The following UQCRH variants were observed in gnomAD, a reference collection of about 807,000 sequenced individuals.
UQCRH encodes the protein cytochrome b-c1 complex subunit 6, mitochondrial.
In UQCRH, 14 loss-of-function variants were observed where a neutral mutation model predicts 16.3. The ratio of observed to expected loss-of-function variants is 0.86; its 90% CI spans 0.57 to 1.34. The LOEUF (loss-of-function observed/expected upper bound fraction) is 1.34, where lower values mean the gene tolerates loss of function less well. UQCRH is among the 40% of genes most tolerant of loss of function. The pLI is 0.00. For synonymous variants in UQCRH, 41 were observed against 41.9 expected, an observed-to-expected ratio of 0.98 and a Z score of 0.08; for missense variants, 89 against 111.9, an observed-to-expected ratio of 0.80 and a Z score of 0.92.
intron 3 of UQCRH, 26 bp downstream of exon 3, chr1:46,310,342 G>A (rs1224719043): frequency 6.2e-7 from 1 of 1,613,740 alleles, no homozygotes; most frequent in African/African-American, 1.3e-5. Context: ...GTCAGGAAGG[G>A]GAAAGGTTGC....
chr1:46,308,346 G>C (rs1661411140), intron 1 of UQCRH, among the ~76,000 whole-genome samples: 1 of 152,174 alleles, frequency 6.6e-6, no homozygotes, highest in South Asian at 2.1e-4. Context: ...TGAGGGGAAG[G>C]AAGCATGGCT....
In UQCRH at chr1:46,310,298, G is replaced by A. The variant is rs531150957; in HGVS notation, c.225G>A (p.Leu75=). The stretch of plus-strand genomic sequence containing the variant: ...GCACGGAGGAGCTCTTTGACTTCTT[G>A]CATGCGAGGGACCATTGCGTAAGTC... ...EDCTEELFDF[L]HARDHCVAHK... is the part of the protein sequence containing the mutation. Residue 75 remains leucine (L), a synonymous_variant, in exon 3 of 4, where the codon TTG becomes TTA. Transcript: ENST00000311672. 19 of 1,613,986 alleles carry A rather than the reference G, an allele frequency of 1.2e-5. No homozygotes were observed. In the African/African-American group the frequency reaches 1.9e-4, roughly 16 times the overall value.
chr1:46,309,383 C>T lies in UQCRH; in HGVS notation c.81+256C>T. The T allele has an allele frequency of 1.5e-5, 7 of 457,618 alleles. No individual in the cohort carries two copies. In the South Asian group the frequency reaches 2.4e-4, roughly 15 times the overall value. The allele number at this position is 457,618 out of a possible 1,614,324, so 28.3% of individuals were successfully genotyped here. Reference sequence around the variant, plus strand: ...TGAGGGCCTGGCACTCAATCATCTGCTATTTGTGGTTTAATAAAGAACTTT... The same window carrying T: ...TGAGGGCCTGGCACTCAATCATCTGTTATTTGTGGTTTAATAAAGAACTTT... On this transcript the variant is annotated intron_variant, in intron 2 of 3. Coordinates refer to ENST00000311672, the MANE Select transcript of UQCRH (RefSeq NM_006004.4).
At chr1:46,310,028 A>G (rs1661438518) in intron 2 of UQCRH, 127 bp from the exon 3 acceptor site, 1 of 1,528,594 alleles carries the variant, frequency 6.5e-7, no homozygotes, top group African/African-American at 1.4e-5. Flanking sequence ...TGGCTCTGCC[A>G]GCTGGCCTTC....
intron 3 of UQCRH, among the ~76,000 whole-genome samples, chr1:46,311,928 CTTT>C (rs544962011): frequency 3.1e-5 from 4 of 130,640 alleles, no homozygotes; most frequent in Non-Finnish European, 6.6e-5. Flanking sequence ...TGCACCCAGC[CTTT>C]TTTTTTTTTT....
intron 1 of UQCRH, among the ~76,000 whole-genome samples, chr1:46,307,071 G>A (rs749441811): frequency 6.6e-6 from 1 of 151,956 alleles, no homozygotes; most frequent in Non-Finnish European, 1.5e-5. Flanking sequence ...TTTTTGAGAC[G>A]GAGTCTCTCT....
chr1:46,313,610 C>T (rs1661522225), intron 3 of UQCRH, among the ~76,000 whole-genome samples: 1 of 151,884 alleles, frequency 6.6e-6, no homozygotes, highest in African/African-American at 2.4e-5. Context: ...GCCTGGGCGA[C>T]AGAGCGAGAC....
In UQCRH at chr1:46,309,125, G is replaced by A; in HGVS notation, c.79G>A (p.Val27Met). The change falls in exon 2 of 4, where the codon GTG (valine) becomes ATG (methionine). Residue 27 changes from valine to methionine, a missense_variant and splice_region_variant. By Grantham distance (21) the Val-to-Met change is conservative (BLOSUM62 1). Transcript: ENST00000311672. ...GGAGGAAGAGGAAGAGGAGGAATTA[G>A]TGGTAAGAACTGTCTCAGGTTTGGA... ...EEEEEEEEEL[V>M]DPLTTVREQC... 1 of 1,612,824 alleles carries A rather than the reference G, an allele frequency of 6.2e-7. No individual in the cohort carries two copies. The highest frequency in any genetic ancestry group is 1.7e-5 in the Admixed American group (1 of 59,628).
chr1:46,312,192 T>C (rs1197265389), intron 3 of UQCRH, among the ~76,000 whole-genome samples: 1 of 151,720 alleles, frequency 6.6e-6, no homozygotes, highest in Non-Finnish European at 1.5e-5. Context: ...ACCTCCTGGG[T>C]TCAAGCGATT....
rs1230212728 is a variant in UQCRH, at chr1:46,303,791, A to G, written c.25A>G (p.Met9Val). Residue 9 changes from methionine (M) to valine (V), a missense_variant, in exon 1 of 4, where the codon ATG becomes GTG. Physicochemically the swap from Met to Val is conservative, Grantham distance 21 (BLOSUM62 1). Transcript: ENST00000311672. MGLEDEQK[M>V]LTESGDPEEE... ...CATGGGACTGGAGGACGAGCAAAAG[A>G]TGCTTACCGAATCCGGAGATCCTGA... is the stretch of plus-strand genomic sequence containing the variant. The G allele has an allele frequency of 1.2e-6, 2 of 1,614,176 alleles. No individual in the cohort carries two copies. Among genetic ancestry groups the G allele is most frequent in the South Asian group, 2.2e-5 (2 of 91,090 alleles).
Position 46,303,708 on chromosome 1 carries a change from C to T in UQCRH, c.-59C>T. ...TGACCCTTACAAGTCCTTCTTGATCCTGAACTGGGTTAGGTGCCGCTGTTG... is the reference window on the plus strand; with the variant it reads ...TGACCCTTACAAGTCCTTCTTGATCTTGAACTGGGTTAGGTGCCGCTGTTG... On this transcript the variant is annotated 5_prime_UTR_variant, in exon 1 of 4. Transcript: ENST00000311672. The T allele has an allele frequency of 6.2e-7, 1 of 1,612,840 alleles. No homozygotes were observed. The highest frequency in any genetic ancestry group is 1.1e-5 in the South Asian group (1 of 90,936).
At chr1:46,303,874 AG>A (rs1661306351) in intron 1 of UQCRH, 54 bp downstream of exon 1, 3 of 1,612,824 alleles carry the variant, frequency 1.9e-6, no homozygotes, top group Admixed American at 3.3e-5. Context: ...CCCAGGACCT[AG>A]CCCGCCAAAA....
chr1:46,310,717 C>T (rs1661454003), intron 3 of UQCRH, among the ~76,000 whole-genome samples: 1 of 152,196 alleles, frequency 6.6e-6, no homozygotes, highest in Non-Finnish European at 1.5e-5. Context: ...ATCCTTCCTT[C>T]CATCTCGGCC....
At chr1:46,311,744 C>T (rs1386180835) in intron 3 of UQCRH, among the ~76,000 whole-genome samples, 2 of 150,312 alleles carry the variant, frequency 1.3e-5, no homozygotes, top group Admixed American at 1.3e-4. Flanking sequence ...AGGCGCCCGC[C>T]ACCATTCCCG....
chr1:46,307,513 A>T (rs765766400), intron 1 of UQCRH, among the ~76,000 whole-genome samples: 12 of 152,184 alleles, frequency 7.9e-5, no homozygotes, highest in African/African-American at 1.7e-4. Flanking sequence ...GGGTATCTGC[A>T]TGCACAGGCA....
intron 3 of UQCRH, among the ~76,000 whole-genome samples, chr1:46,314,516 CA>C (rs1048269569): frequency 2.7e-4 from 41 of 151,666 alleles, no homozygotes; most frequent in Admixed American, 8.5e-4. Context: ...ACTAAAAACA[CA>C]AAAATTGGCT....
intron 1 of UQCRH, among the ~76,000 whole-genome samples, chr1:46,308,225 T>C (rs1344686631): frequency 6.6e-6 from 1 of 152,156 alleles, no homozygotes; most frequent in South Asian, 2.1e-4. Flanking sequence ...CAACCGCCTT[T>C]GAAAGAAGAG....
At chr1:46,309,723 C>T (rs1474909375) in intron 2 of UQCRH, 1 of 317,380 alleles carries the variant, frequency 3.2e-6, no homozygotes, top group Non-Finnish European at 5.2e-6. Flanking sequence ...TAGTCCTTCT[C>T]TATGTTAGCA....
Position 46,303,766 on chromosome 1 carries a change from C to G in UQCRH, c.-1C>G. ...TGTTGAATCTAGAACCGTAGCCAGA[C>G]ATGGGACTGGAGGACGAGCAAAAGA... On this transcript the variant is annotated 5_prime_UTR_variant, in exon 1 of 4. Transcript: ENST00000311672. The G allele has an allele frequency of 6.2e-7, 1 of 1,614,144 alleles. No individual in the cohort carries two copies. The highest frequency in any genetic ancestry group is 8.5e-7 in the Non-Finnish European group (1 of 1,180,010).
Sources: allele counts gnomAD v4.1 joint callset (sites outside exome capture counted in the v4.1 genomes callset), GRCh38; gene constraint gnomAD v4.1.1; transcripts MANE v1.5; gene names NCBI Gene and HGNC (gene_info 2026-07-23, HGNC 2026-07-21).